Variants in TNR observed in about 807,000 individuals in gnomAD.
The protein encoded by TNR is tenascin-R.
In TNR, 45 loss-of-function variants were observed where a neutral mutation model predicts 150.4. The observed-to-expected ratio is 0.30, with a 90% CI of 0.24 to 0.38. TNR has a LOEUF of 0.38. Ranked by LOEUF, TNR falls within the 10% of genes least tolerant of loss-of-function variation. The pLI, the probability that TNR is intolerant of heterozygous loss-of-function variation, is 1.00. For missense variants in TNR, 1,544 were observed against 1,759.1 expected (o/e 0.88, Z 2.19); for synonymous variants, 687 against 678.4 (o/e 1.01, Z -0.20).
intron 2 of TNR, among the ~76,000 whole-genome samples, chr1:175,520,755 A>G (rs967778622): frequency 1.3e-5 from 2 of 151,570 alleles, no homozygotes; most frequent in South Asian, 2.1e-4. Context: ...CTCATTAGCC[A>G]TCCACGTTCA....
chr1:175,631,166 A>T (rs1664314389), intron 1 of TNR, among the ~76,000 whole-genome samples: 1 of 152,230 alleles, frequency 6.6e-6, no homozygotes, highest in African/African-American at 2.4e-5. Flanking sequence ...ACAGAAATAT[A>T]TATGTGTGCA....
chr1:175,491,938 A>G (rs1172933539), intron 2 of TNR, among the ~76,000 whole-genome samples: 7 of 150,598 alleles, frequency 4.6e-5, no homozygotes, highest in African/African-American at 7.3e-5. Flanking sequence ...GTGAGCCACC[A>G]CGCCCAGCCA....
Position 175,395,600 on chromosome 1 carries a change from G to T in TNR, c.1240+944C>A, listed in dbSNP as rs567063579. Reference sequence around the variant, plus strand: ...CCAAAGACTTTCCACATAAGGCACAGAGGCATTTGTGTGCATGCAGGTTTT... The same window carrying T: ...CCAAAGACTTTCCACATAAGGCACATAGGCATTTGTGTGCATGCAGGTTTT... On this transcript the variant is annotated intron_variant, in intron 5 of 22. Coordinates refer to ENST00000367674, the MANE Select transcript of TNR (RefSeq NM_003285.3). Among the ~76,000 whole-genome samples the T allele has an allele frequency of 1.3e-3, 146 of 115,990 alleles. 1 individual carries two copies. Among genetic ancestry groups the T allele is most frequent in the African/African-American group, 4.8e-3 (141 of 29,244 alleles). The allele number at this position is 115,990 out of a possible 152,430, so 76.1% of individuals were successfully genotyped here.
intron 2 of TNR, among the ~76,000 whole-genome samples, chr1:175,525,375 A>G: frequency 6.6e-6 from 1 of 152,204 alleles, no homozygotes; most frequent in East Asian, 1.9e-4. Flanking sequence ...TTGAGCTCTG[A>G]CTGATCAGAG....
At chr1:175,442,141 G>A (rs1655818262) in intron 2 of TNR, among the ~76,000 whole-genome samples, 1 of 152,134 alleles carries the variant, frequency 6.6e-6, no homozygotes, top group Non-Finnish European at 1.5e-5. Flanking sequence ...GGTAGATAGT[G>A]CAGTCAATTT....
chr1:175,364,431 A>G (rs1265214240), intron 12 of TNR, among the ~76,000 whole-genome samples: 6 of 152,128 alleles, frequency 3.9e-5, no homozygotes, highest in Non-Finnish European at 7.4e-5. Context: ...AAACTACCCA[A>G]ACATACATAT....
chr1:175,718,573 G>T (rs1667218817), intron 1 of TNR, among the ~76,000 whole-genome samples: 1 of 152,220 alleles, frequency 6.6e-6, no homozygotes, highest in Non-Finnish European at 1.5e-5. Context: ...GGGTCCACCT[G>T]GGCTTGTGGC....
chr1:175,577,935 C>A (rs1662189392), intron 1 of TNR, among the ~76,000 whole-genome samples: 1 of 152,140 alleles, frequency 6.6e-6, no homozygotes, highest in South Asian at 2.1e-4. Flanking sequence ...AACTGTGTGA[C>A]CTTGAGCGAG....
chr1:175,557,407 C>T (rs894171774), intron 1 of TNR, among the ~76,000 whole-genome samples: 1 of 152,276 alleles, frequency 6.6e-6, no homozygotes, highest in Non-Finnish European at 1.5e-5. Context: ...TATGGCTATT[C>T]AGTTTCAAAG....
In TNR at chr1:175,365,916, C is replaced by T; in HGVS notation, c.2276G>A (p.Gly759Asp). The T allele has an allele frequency of 6.2e-7, 1 of 1,614,124 alleles. No individual in the cohort carries two copies. Among genetic ancestry groups the T allele is most frequent in the Admixed American group, 1.7e-5 (1 of 60,022 alleles). ...AGTGGACTCCAAGCTCTGCTGCCGACCCCTCTCAGCAGTGACGGAAATGAT... is the reference window on the plus strand; with the variant it reads ...AGTGGACTCCAAGCTCTGCTGCCGATCCCTCTCAGCAGTGACGGAAATGAT... ...EYIISVTAER[G>D]RQQSLESTVD... Residue 759 changes from glycine (G) to aspartate (D), a missense_variant, in exon 11 of 23, where the codon GGT becomes GAT. Around this residue, in one of 2 missense-constraint regions of TNR, gnomAD observed 1,254 missense variants for 1,329.4 expected, o/e 0.94. Transcript: ENST00000367674.
rs79212523 is a variant in TNR, at chr1:175,465,657, A to G, written c.-63-58880T>C. Among the ~76,000 whole-genome samples the G allele has an allele frequency of 7.9e-3, 1,207 of 152,306 alleles. 9 individuals are homozygous for G. Among genetic ancestry groups the G allele is most frequent in the East Asian group, 0.019 (96 of 5,176 alleles). On this transcript the variant is annotated intron_variant, in intron 2 of 22. Transcript: ENST00000367674. ...TATGTGGAAGGAAGATGGAAAGGAA[A>G]GGAGGAAGGAACAGAGGGAGTGAAG... is the stretch of plus-strand genomic sequence containing the variant.
chr1:175,550,927 T>C (rs1209435928), intron 1 of TNR, among the ~76,000 whole-genome samples: 1 of 152,142 alleles, frequency 6.6e-6, no homozygotes, highest in Non-Finnish European at 1.5e-5. Context: ...TGACACCATG[T>C]GTAGGAGATA....
intron 2 of TNR, among the ~76,000 whole-genome samples, chr1:175,448,345 G>A (rs1656152477): frequency 6.6e-6 from 1 of 152,122 alleles, no homozygotes; most frequent in South Asian, 2.1e-4. Flanking sequence ...CCGAGTAGCT[G>A]GGACTACAGG....
chr1:175,635,687 A>G (rs1306263749), intron 1 of TNR, among the ~76,000 whole-genome samples: 1 of 151,914 alleles, frequency 6.6e-6, no homozygotes, highest in East Asian at 1.9e-4. Context: ...CAATCATCCC[A>G]TTATCTACAC....
chr1:175,509,606 G>T (rs1285073643), intron 2 of TNR, among the ~76,000 whole-genome samples: 8 of 152,040 alleles, frequency 5.3e-5, no homozygotes, highest in Non-Finnish European at 7.4e-5. Flanking sequence ...CTTGACACTA[G>T]TGTTGAGAAA....
intron 1 of TNR, among the ~76,000 whole-genome samples, chr1:175,620,493 C>T (rs1411938965): frequency 6.6e-6 from 1 of 152,210 alleles, no homozygotes; most frequent in Non-Finnish European, 1.5e-5. Flanking sequence ...GAAACTAGTC[C>T]AAGTTCTGGA....
intron 1 of TNR, among the ~76,000 whole-genome samples, chr1:175,670,563 C>A (rs1232926257): frequency 2.0e-5 from 3 of 152,168 alleles, no homozygotes; most frequent in African/African-American, 7.2e-5. Context: ...AGATGCAGCT[C>A]CACACGGGAA....
At chr1:175,453,279 G>A (rs1376652223) in intron 2 of TNR, among the ~76,000 whole-genome samples, 2 of 152,096 alleles carry the variant, frequency 1.3e-5, no homozygotes, top group Admixed American at 6.5e-5. Flanking sequence ...GATTGGTGAC[G>A]TGTTTTGGAA....
At chr1:175,371,623 A>T (rs1652108499) in intron 9 of TNR, among the ~76,000 whole-genome samples, 1 of 152,242 alleles carries the variant, frequency 6.6e-6, no homozygotes, top group South Asian at 2.1e-4. Flanking sequence ...TGAGTGTCTG[A>T]TGGTAAAGAG....
Sources: gnomAD v4.1 joint callset for allele counts (sites outside exome capture counted in the v4.1 genomes callset) on GRCh38, gnomAD v4.1.1 for gene constraint, gnomAD v4.1.1 regional missense constraint, MANE v1.5 for transcripts, NCBI Gene and HGNC (gene_info 2026-07-23, HGNC 2026-07-21) for gene names.